CDKAL1: variants seen among roughly 807,000 people sequenced by gnomAD.
CDKAL1 encodes the protein CDKAL1 threonylcarbamoyladenosine tRNA methylthiotransferase, also known as threonylcarbamoyladenosine tRNA methylthiotransferase.
A neutral mutation model predicts 68.2 loss-of-function variants in CDKAL1; 32 were observed. That is an observed-to-expected ratio of 0.47 (90% CI 0.35 to 0.63). The LOEUF (loss-of-function observed/expected upper bound fraction) is 0.63. Among genes scored for constraint, CDKAL1 ranks in the 30% least tolerant of loss-of-function variants. The probability of loss-of-function intolerance (pLI) is 0.00; values close to 1 mark genes in which losing one functional copy is unlikely to be tolerated. For missense variants in CDKAL1, 606 were observed against 696.7 expected (o/e 0.87, Z 1.47); for synonymous variants, 234 against 244.3 (o/e 0.96, Z 0.39).
rs375717773 is a variant in CDKAL1, at chr6:21,167,033, T to C, written c.1300-30988T>C. 2.7e-4 allele frequency among the ~76,000 whole-genome samples: 41 copies of C among 152,298 alleles called. 1 individual carries two copies. The East Asian group carries it at 5.0e-3, about 19-fold the overall frequency. ...TTCCTTATCTGTGTCCTAGAGATAA[T>C]GATACTTCAAATAGTTGTCATGAGG... On this transcript the variant is annotated intron_variant, in intron 13 of 15. Coordinates refer to ENST00000274695, the MANE Select transcript of CDKAL1 (RefSeq NM_017774.3).
At chr6:20,591,509 C>T (rs1765590678) in intron 4 of CDKAL1, among the ~76,000 whole-genome samples, 1 of 152,104 alleles carries the variant, frequency 6.6e-6, no homozygotes, top group South Asian at 2.1e-4. Flanking sequence ...AGTCTTTAAT[C>T]CATCTTGAGT....
At chr6:20,654,813 T>A (rs1304635194) in intron 5 of CDKAL1, among the ~76,000 whole-genome samples, 1 of 152,234 alleles carries the variant, frequency 6.6e-6, no homozygotes, top group Non-Finnish European at 1.5e-5. Context: ...TCCTTTGATC[T>A]ATTTCTTTAT....
intron 9 of CDKAL1, among the ~76,000 whole-genome samples, chr6:20,864,143 A>G (rs893775384): frequency 2.0e-5 from 3 of 151,662 alleles, no homozygotes; most frequent in Non-Finnish European, 4.4e-5. Context: ...ATCTGTAACT[A>G]AATTAATTAA....
intron 8 of CDKAL1, among the ~76,000 whole-genome samples, chr6:20,843,933 C>A (rs1581686144): frequency 6.6e-6 from 1 of 152,094 alleles, no homozygotes; most frequent in East Asian, 1.9e-4. Flanking sequence ...GGAATCACAG[C>A]TTCATGACAA....
intron 5 of CDKAL1, among the ~76,000 whole-genome samples, chr6:20,653,058 G>C (rs1431699469): frequency 6.6e-6 from 1 of 152,136 alleles, no homozygotes; most frequent in Non-Finnish European, 1.5e-5. Context: ...TACGCTTTGA[G>C]ATTTATTCAT....
chr6:20,729,623 C>T (rs993919847), intron 5 of CDKAL1, among the ~76,000 whole-genome samples: 4 of 152,156 alleles, frequency 2.6e-5, no homozygotes, highest in African/African-American at 7.2e-5. Flanking sequence ...ACATTTAACC[C>T]TCACGACAAC....
chr6:20,538,562 T>G (rs1167095000), intron 2 of CDKAL1, among the ~76,000 whole-genome samples: 1 of 152,222 alleles, frequency 6.6e-6, no homozygotes, highest in Non-Finnish European at 1.5e-5. Flanking sequence ...TCTTTTTCCT[T>G]TCTATTTCTC....
chr6:20,762,173 T>C (rs1774498140), intron 7 of CDKAL1, among the ~76,000 whole-genome samples: 1 of 152,192 alleles, frequency 6.6e-6, no homozygotes, highest in South Asian at 2.1e-4. Context: ...CTATGGGAAA[T>C]CATACAAGAC....
chr6:20,830,770 G>A (rs1027480647), intron 8 of CDKAL1, among the ~76,000 whole-genome samples: 24 of 152,100 alleles, frequency 1.6e-4, no homozygotes, highest in Non-Finnish European at 2.8e-4. Flanking sequence ...CTTTGGCAAG[G>A]AAAAGTAGTT....
At chr6:20,620,229 A>G (rs1767115957) in intron 4 of CDKAL1, among the ~76,000 whole-genome samples, 1 of 152,224 alleles carries the variant, frequency 6.6e-6, no homozygotes, top group Non-Finnish European at 1.5e-5. Flanking sequence ...GAAATGATGA[A>G]ATCTGGAATA....
chr6:21,040,694 A>G (rs1475303548), intron 11 of CDKAL1, among the ~76,000 whole-genome samples: 1 of 152,194 alleles, frequency 6.6e-6, no homozygotes, highest in Admixed American at 6.5e-5. Flanking sequence ...TTTAAAAGTA[A>G]TCTTCAAAGC....
At chr6:20,638,976 A>G (rs1229291163) in intron 4 of CDKAL1, among the ~76,000 whole-genome samples, 1 of 152,190 alleles carries the variant, frequency 6.6e-6, no homozygotes, top group East Asian at 1.9e-4. Context: ...ATTATATGTC[A>G]AAATCAATAG....
intron 4 of CDKAL1, among the ~76,000 whole-genome samples, chr6:20,550,112 G>A (rs895725610): frequency 6.6e-6 from 1 of 152,026 alleles, no homozygotes; most frequent in South Asian, 2.1e-4. Context: ...CCAAGTAGCT[G>A]GGATTACAGG....
chr6:21,216,864 C>T (rs1392216433), intron 15 of CDKAL1, among the ~76,000 whole-genome samples: 1 of 152,174 alleles, frequency 6.6e-6, no homozygotes, highest in Non-Finnish European at 1.5e-5. Flanking sequence ...TATCTGCAAT[C>T]ATTTCTCTAG....
At chr6:20,599,624 T>C (rs760130601) in intron 4 of CDKAL1, among the ~76,000 whole-genome samples, 1 of 152,210 alleles carries the variant, frequency 6.6e-6, no homozygotes, top group East Asian at 1.9e-4. Flanking sequence ...TCTGTGGATA[T>C]GAAAGTTTAC....
chr6:20,913,158 C>CACACACACACACACACACACACAT (rs1229681370), intron 9 of CDKAL1, among the ~76,000 whole-genome samples: 1 of 145,694 alleles, frequency 6.9e-6, no homozygotes, highest in African/African-American at 2.7e-5. Context: ...CACACACACA[C>CACACACACACACACACACACACAT]ATTACCACAA....
At chr6:20,694,443 C>T (rs1433950394) in intron 5 of CDKAL1, among the ~76,000 whole-genome samples, 1 of 152,140 alleles carries the variant, frequency 6.6e-6, no homozygotes, top group Non-Finnish European at 1.5e-5. Context: ...TCTACCTGTG[C>T]ATCAGGATGT....
chr6:21,008,531 G>C (rs1465080168), intron 11 of CDKAL1, among the ~76,000 whole-genome samples: 1 of 152,138 alleles, frequency 6.6e-6, no homozygotes, highest in Non-Finnish European at 1.5e-5. Context: ...AGCAAGCACT[G>C]GGCTGGGGGC....
At chr6:20,847,713 G>A (rs566134132) in intron 9 of CDKAL1, among the ~76,000 whole-genome samples, 3 of 152,160 alleles carry the variant, frequency 2.0e-5, no homozygotes, top group African/African-American at 7.2e-5. Flanking sequence ...GGCTTTATAT[G>A]GACACATTTA....
Sources: gnomAD v4.1 joint callset for allele counts (sites outside exome capture counted in the v4.1 genomes callset) on GRCh38, gnomAD v4.1.1 for gene constraint, MANE v1.5 for transcripts, NCBI Gene and HGNC (gene_info 2026-07-23, HGNC 2026-07-21) for gene names.